The following ATP8A2 variants were observed in gnomAD, a reference collection of about 807,000 sequenced individuals.
The protein encoded by ATP8A2 is phospholipid-transporting ATPase IB.
In ATP8A2, 100 loss-of-function variants were observed where a neutral mutation model predicts 165.6. The observed-to-expected ratio is 0.60, with a 90% confidence interval of 0.51 to 0.71. ATP8A2 has a LOEUF of 0.71. Ranked by LOEUF, ATP8A2 falls within the 30% of genes least tolerant of loss-of-function variation. The pLI, the probability that ATP8A2 is intolerant of heterozygous loss-of-function variation, is 0.00. For synonymous variants in ATP8A2, 543 were observed against 548.8 expected, an observed-to-expected ratio of 0.99 and a Z score of 0.15; for missense variants, 1,227 against 1,479.5, an observed-to-expected ratio of 0.83 and a Z score of 2.80.
At chr13:25,705,575 T>C (rs563974598) in intron 25 of ATP8A2, among the ~76,000 whole-genome samples, 3 of 152,192 alleles carry the variant, frequency 2.0e-5, no homozygotes, top group Non-Finnish European at 2.9e-5. Context: ...TGCTGTGATA[T>C]CATAGATTTG....
rs1244662360 is a variant in ATP8A2 at position 25,506,957 on chromosome 13, A to ATATATATATATC, written c.222-23037_222-23036insATATATCTATAT. Among the ~76,000 whole-genome samples, 136 of 147,338 alleles carry ATATATATATATC rather than the reference A, an allele frequency of 9.2e-4. 1 individual carries two copies. Among genetic ancestry groups the ATATATATATATC allele is most frequent in the Middle Eastern group, 3.6e-3 (1 of 280 alleles). On this transcript the variant is annotated intron_variant, in intron 2 of 36. Coordinates refer to ENST00000381655, the MANE Select transcript of ATP8A2 (RefSeq NM_016529.6). Reference sequence around the variant, plus strand: ...GTACAGTACATATATATATATATATATATATCTTATTTTACATATAAAACT... The same window carrying ATATATATATATC: ...GTACAGTACATATATATATATATATATATATATATATCTATATCTTATTTTACATATAAAACT...
intron 1 of ATP8A2, among the ~76,000 whole-genome samples, chr13:25,423,452 C>T (rs1460992460): frequency 6.6e-6 from 1 of 152,080 alleles, no homozygotes; most frequent in African/African-American, 2.4e-5. Context: ...TTTTTGTGTA[C>T]ATTTTCGAAT....
At chr13:25,885,552 T>C (rs928049772) in intron 33 of ATP8A2, among the ~76,000 whole-genome samples, 39 of 152,164 alleles carry the variant, frequency 2.6e-4, no homozygotes, top group African/African-American at 9.4e-4. Flanking sequence ...ATAGTGCCTG[T>C]CCTGCCCAGC....
chr13:25,497,304 AAC>A (rs930871296), intron 2 of ATP8A2, among the ~76,000 whole-genome samples: 1 of 152,202 alleles, frequency 6.6e-6, no homozygotes, highest in African/African-American at 2.4e-5. Flanking sequence ...GACTGAGTTA[AAC>A]ACAGAGTAGT....
rs560030737 is a variant in ATP8A2, at chr13:25,832,896, A to G, written c.2755-4267A>G. ...GTGAACAATTTCTGTACGTATACACATATGCTCACAGAAATATGGTAATGT... is the reference window on the plus strand; with the variant it reads ...GTGAACAATTTCTGTACGTATACACGTATGCTCACAGAAATATGGTAATGT... On this transcript the variant is annotated intron_variant, in intron 28 of 36. Coordinates refer to ENST00000381655, the MANE Select transcript of ATP8A2 (RefSeq NM_016529.6). Among the ~76,000 whole-genome samples the G allele has an allele frequency of 3.9e-5, 6 of 152,326 alleles. No individual in the cohort carries two copies. In the South Asian group the frequency reaches 8.3e-4, roughly 21 times the overall value.
chr13:25,739,069 C>T (rs556157380), intron 25 of ATP8A2, among the ~76,000 whole-genome samples: 1 of 152,340 alleles, frequency 6.6e-6, no homozygotes, highest in East Asian at 1.9e-4. Context: ...TTCCATTTCT[C>T]TTGAACTTCT....
chr13:25,713,510 C>T (rs568052857), intron 25 of ATP8A2, among the ~76,000 whole-genome samples: 178 of 152,268 alleles, frequency 1.2e-3, no homozygotes, highest in Middle Eastern at 6.8e-3. Flanking sequence ...CCAGAAAGCT[C>T]TCATTGCCTT....
intron 27 of ATP8A2, among the ~76,000 whole-genome samples, chr13:25,799,066 C>T (rs992184126): frequency 6.6e-6 from 1 of 150,402 alleles, no homozygotes; most frequent in African/African-American, 2.4e-5. Flanking sequence ...TTATGTGGCA[C>T]GGGAGCCCTC....
chr13:25,926,335 T>C (rs1401622679), intron 33 of ATP8A2, among the ~76,000 whole-genome samples: 1 of 152,132 alleles, frequency 6.6e-6, no homozygotes, highest in Non-Finnish European at 1.5e-5. Flanking sequence ...TGTCACCACA[T>C]CAACTCCTAC....
At position 25,844,236 on chromosome 13, in the gene ATP8A2, C is replaced by CTT. The variant is rs35630381; in HGVS notation, c.2956+4623_2956+4624dup. On this transcript the variant is annotated intron_variant, in intron 30 of 36. Transcript: ENST00000381655. ...TGAGTACAAGTGAATTCTTATTACA[C>CTT]TTTTTTTTTTTTGAGACAGAGTCCC... Among the ~76,000 whole-genome samples, 11 of 148,044 alleles carry CTT rather than the reference C, an allele frequency of 7.4e-5. 1 individual carries two copies. In the South Asian group the frequency reaches 2.2e-3, roughly 29 times the overall value.
chr13:25,465,707 C>CT lies in ATP8A2; in HGVS notation c.77-3267dup, dbSNP rs1191435557. Among the ~76,000 whole-genome samples, 186 of 22,856 alleles carry CT rather than the reference C, an allele frequency of 8.1e-3. 9 individuals carry two copies. Among genetic ancestry groups the CT allele is most frequent in the Non-Finnish European group, 0.013 (134 of 10,076 alleles). The allele number at this position is 22,856 out of a possible 152,430, so 15.0% of individuals were successfully genotyped here. A position where few individuals can be genotyped will look rare whatever the true frequency, so the allele number is the denominator to read the frequency against. ...TCTTTCTTTCTTTCTTTCTTTCTTT[C>CT]TTTCTTTCTTTCTTTCTTTCTTTCT... On this transcript the variant is annotated intron_variant, in intron 1 of 36. Transcript: ENST00000381655.
At chr13:25,632,011 G>A (rs2041252548) in intron 24 of ATP8A2, among the ~76,000 whole-genome samples, 1 of 151,966 alleles carries the variant, frequency 6.6e-6, no homozygotes. Context: ...CCAATCGCAA[G>A]CCCCACCCCC....
At chr13:25,487,993 CTTGT>C (rs1051806443) in intron 2 of ATP8A2, among the ~76,000 whole-genome samples, 3 of 152,094 alleles carry the variant, frequency 2.0e-5, no homozygotes, top group Non-Finnish European at 4.4e-5. Flanking sequence ...TCTGACTTTC[CTTGT>C]TTGTTTGATG....
At chr13:25,681,514 G>A (rs577732672) in intron 24 of ATP8A2, among the ~76,000 whole-genome samples, 5 of 152,166 alleles carry the variant, frequency 3.3e-5, no homozygotes, top group Non-Finnish European at 5.9e-5. Flanking sequence ...TAGGGCATTG[G>A]TGCCTTTTGT....
intron 33 of ATP8A2, among the ~76,000 whole-genome samples, chr13:25,893,018 G>T (rs901366053): frequency 2.6e-5 from 4 of 151,872 alleles, no homozygotes; most frequent in African/African-American, 9.7e-5. Flanking sequence ...TAAGTCCAGA[G>T]AAGATTTTTT....
rs576337442 is a variant in ATP8A2, at chr13:25,968,660, C to T, written c.3358C>T (p.Arg1120Trp). The T allele has an allele frequency of 2.2e-5, 36 of 1,613,190 alleles. 1 individual carries two copies. In the South Asian group the frequency reaches 2.8e-4, roughly 12 times the overall value. The change falls in exon 35 of 37, where the codon CGG becomes TGG. Residue 1120 changes from arginine to tryptophan, a missense_variant. By Grantham distance (101) the Arg-to-Trp change is moderately radical. Transcript: ENST00000381655. ...KSRVLGKAVLRDSNGKRLNER... is the reference protein window; with the variant it reads ...KSRVLGKAVLWDSNGKRLNER... ...TCGAGTCCTGGGAAAAGCGGTGCTG[C>T]GGGATAGCAATGGAAAGAGGTGGGG...
intron 20 of ATP8A2, among the ~76,000 whole-genome samples, 163 bp downstream of exon 20, chr13:25,577,301 A>G (rs2039646889): frequency 6.6e-6 from 1 of 152,188 alleles, no homozygotes; most frequent in South Asian, 2.1e-4. Context: ...AGCCCACTGA[A>G]GATAATGGTG....
At chr13:25,714,058 A>G (rs2043206256) in intron 25 of ATP8A2, among the ~76,000 whole-genome samples, 2 of 152,140 alleles carry the variant, frequency 1.3e-5, no homozygotes, top group Non-Finnish European at 2.9e-5. Flanking sequence ...ATCCTTAACT[A>G]TCAGCTTTGA....
chr13:25,692,673 C>G (rs7988977), intron 24 of ATP8A2, among the ~76,000 whole-genome samples: 39,741 of 152,120 alleles, frequency 0.26, 5,504 homozygotes, highest in South Asian at 0.46. Context: ...CTCTGAGGAT[C>G]CTCTATGAAT....
Sources: gnomAD v4.1 joint callset for allele counts (sites outside exome capture counted in the v4.1 genomes callset) on GRCh38, gnomAD v4.1.1 for gene constraint, MANE v1.5 for transcripts, NCBI Gene and HGNC (gene_info 2026-07-23, HGNC 2026-07-21) for gene names.